The following NGF variants were observed in gnomAD, a reference collection of about 807,000 sequenced individuals.
The protein encoded by NGF is nerve growth factor.
In NGF, 4 loss-of-function variants were observed where a neutral mutation model predicts 12.8. The observed-to-expected ratio is 0.31, with a 90% confidence interval of 0.15 to 0.72. NGF has a LOEUF of 0.72. Ranked by LOEUF, NGF falls within the 30% of genes least tolerant of loss-of-function variation. NGF has a pLI of 0.69. For missense variants in NGF, 283 were observed against 330.8 expected (o/e 0.86, Z 1.12); for synonymous variants, 140 against 130.0 (o/e 1.08, Z -0.52).
At chr1:115,308,512 G>C (rs945502926) in intron 1 of NGF, among the ~76,000 whole-genome samples, 1 of 152,236 alleles carries the variant, frequency 6.6e-6, no homozygotes, top group Non-Finnish European at 1.5e-5. Flanking sequence ...AACTGGAAGA[G>C]AGGCAAGTGC....
intron 1 of NGF, among the ~76,000 whole-genome samples, chr1:115,302,225 T>C (rs569267462): frequency 2.0e-5 from 3 of 152,344 alleles, no homozygotes; most frequent in Non-Finnish European, 2.9e-5. Flanking sequence ...TCACTTTGGC[T>C]ATGTAGTGTT....
intron 1 of NGF, among the ~76,000 whole-genome samples, chr1:115,301,377 A>G (rs186184753): frequency 1.5e-3 from 225 of 152,300 alleles, no homozygotes; most frequent in Non-Finnish European, 2.7e-3. Context: ...TACCCTCCAT[A>G]TTGGATTATT....
Position 115,286,159 on chromosome 1 carries a change from T to C in NGF, c.637A>G (p.Met213Val). 1 of 1,613,832 alleles carries C rather than the reference T, an allele frequency of 6.2e-7. No homozygotes were observed. Among genetic ancestry groups the C allele is most frequent in the Non-Finnish European group, 8.5e-7 (1 of 1,179,800 alleles). The change falls in exon 3 of 3, where the codon ATG (methionine) becomes GTG (valine). Residue 213 changes from methionine (M) to valine (V), a missense_variant. Around this residue, in one of 2 missense-constraint regions of NGF, gnomAD observed 132 missense variants for 189.2 expected, o/e 0.70. Transcript: ENST00000369512. ...TTHTFVKALT[M>V]DGKQAAWRFI... The stretch of plus-strand genomic sequence containing the variant: ...CGCCAGGCAGCCTGCTTGCCATCCA[T>C]GGTCAGCGCCTTGACAAAGGTGTGA...
intron 1 of NGF, among the ~76,000 whole-genome samples, chr1:115,294,827 G>A (rs1305063316): frequency 5.3e-5 from 8 of 152,334 alleles, no homozygotes; most frequent in Admixed American, 4.6e-4. Flanking sequence ...AAATGAGCTG[G>A]AGAGCCAGGA....
At chr1:115,314,533 A>G (rs1269195249) in intron 1 of NGF, among the ~76,000 whole-genome samples, 2 of 152,226 alleles carry the variant, frequency 1.3e-5, no homozygotes, top group Non-Finnish European at 2.9e-5. Flanking sequence ...TAATTGCTCA[A>G]CTTAATTCAA....
chr1:115,290,250 T>C (rs916324682), intron 2 of NGF, among the ~76,000 whole-genome samples: 2 of 152,144 alleles, frequency 1.3e-5, no homozygotes, highest in Non-Finnish European at 2.9e-5. Context: ...CTTCCAGGTA[T>C]GCTCCCCTAC....
intron 1 of NGF, among the ~76,000 whole-genome samples, chr1:115,336,284 G>A (rs1419796562): frequency 6.6e-6 from 1 of 152,162 alleles, no homozygotes; most frequent in Non-Finnish European, 1.5e-5. Flanking sequence ...ATCCTCTGAG[G>A]TGCTCCTATA....
intron 1 of NGF, among the ~76,000 whole-genome samples, chr1:115,297,775 A>G (rs1234375357): frequency 6.6e-6 from 1 of 152,136 alleles, no homozygotes; most frequent in East Asian, 1.9e-4. Context: ...AATCCTCTGT[A>G]GCAGTGGTTC....
At chr1:115,333,385 C>A (rs1654977070) in intron 1 of NGF, among the ~76,000 whole-genome samples, 1 of 151,876 alleles carries the variant, frequency 6.6e-6, no homozygotes, top group African/African-American at 2.4e-5. Flanking sequence ...GGGCTCTCCA[C>A]CTGCAGAAGC....
intron 1 of NGF, among the ~76,000 whole-genome samples, chr1:115,330,013 C>G (rs139464148): frequency 0.015 from 2,300 of 152,222 alleles, 40 homozygotes; most frequent in Non-Finnish European, 0.02. Context: ...GCCTCAGCCC[C>G]CTAAGTGCTG....
At chr1:115,286,856 T>C in intron 2 of NGF, 49 bp from the exon 3 acceptor site, 1 of 1,610,792 alleles carries the variant, frequency 6.2e-7, no homozygotes, top group Non-Finnish European at 8.5e-7. Flanking sequence ...CTAAATGCAG[T>C]CAAAAGGCAG....
intron 1 of NGF, among the ~76,000 whole-genome samples, chr1:115,300,342 A>G (rs1308857409): frequency 2.0e-5 from 3 of 152,214 alleles, no homozygotes; most frequent in African/African-American, 7.2e-5. Context: ...AAGGAGGGAT[A>G]AGGGATGAGT....
At chr1:115,300,065 C>G (rs1216259203) in intron 1 of NGF, among the ~76,000 whole-genome samples, 1 of 152,214 alleles carries the variant, frequency 6.6e-6, no homozygotes, top group African/African-American at 2.4e-5. Context: ...CACTCAGATC[C>G]AAGCCCTTTA....
intron 1 of NGF, among the ~76,000 whole-genome samples, chr1:115,308,408 T>A (rs191684327): frequency 3.9e-5 from 6 of 152,142 alleles, no homozygotes; most frequent in Middle Eastern, 3.4e-3. Flanking sequence ...CAAAAATGGG[T>A]TGGATGAAGT....
At chr1:115,337,267 G>GTTTGTTTTTTTGTTTTT in intron 1 of NGF, among the ~76,000 whole-genome samples, 1 of 81,030 alleles carries the variant, frequency 1.2e-5, no homozygotes. Flanking sequence ...TTTTGTTTTT[G>GTTTGTTTTTTTGTTTTT]TTTTTTTTTT....
At chr1:115,322,973 T>C (rs1654672016) in intron 1 of NGF, among the ~76,000 whole-genome samples, 1 of 152,248 alleles carries the variant, frequency 6.6e-6, no homozygotes, top group South Asian at 2.1e-4. Context: ...GAACAGCTTT[T>C]ATGTGCCAAA....
chr1:115,286,925 C>G lies in NGF; in HGVS notation c.-12-118G>C, dbSNP rs3730194. The G allele has an allele frequency of 0.014, 17,477 of 1,268,974 alleles. 178 individuals carry two copies. Among genetic ancestry groups the G allele is most frequent in the Non-Finnish European group, 0.017 (15,023 of 881,302 alleles). 78.6% of individuals were successfully genotyped at this position (1,268,974 alleles called of 1,614,324 possible). ...GATCACGAAGAGGTTTCATTCAAAC[C>G]GGGGCACTTCTGAGAGGGAAAGGGT... On this transcript the variant is annotated intron_variant, in intron 2 of 2. Transcript: ENST00000369512.
chr1:115,286,513 G>C lies in NGF; in HGVS notation c.283C>G (p.Arg95Gly). ...PRVLFSTQPP[R>G]EAADTQDLDF... ...AGATCCTGAGTGTCTGCAGCTTCACGGGGAGGCTGGGTGCTAAACAGCACA... is the reference window on the plus strand; with the variant it reads ...AGATCCTGAGTGTCTGCAGCTTCACCGGGAGGCTGGGTGCTAAACAGCACA... The change falls in exon 3 of 3, where the codon CGT becomes GGT. Residue 95 changes from arginine (R) to glycine (G), a missense_variant. This residue lies in a region of NGF where 151 missense variants were observed against 141.6 expected (regional missense o/e 1.07). Coordinates refer to ENST00000369512, the MANE Select transcript of NGF (RefSeq NM_002506.3). The C allele has an allele frequency of 6.2e-7, 1 of 1,614,160 alleles. No homozygotes were observed. The highest frequency in any genetic ancestry group is 8.5e-7 in the Non-Finnish European group (1 of 1,180,034).
chr1:115,325,190 G>T (rs1303563780), intron 1 of NGF, among the ~76,000 whole-genome samples: 3 of 152,052 alleles, frequency 2.0e-5, no homozygotes, highest in Non-Finnish European at 4.4e-5. Flanking sequence ...GAGTGCGAAG[G>T]CCCCAGGACA....
Sources: gnomAD v4.1 joint callset for allele counts (sites outside exome capture counted in the v4.1 genomes callset) on GRCh38, gnomAD v4.1.1 for gene constraint, gnomAD v4.1.1 regional missense constraint, MANE v1.5 for transcripts, NCBI Gene and HGNC (gene_info 2026-07-23, HGNC 2026-07-21) for gene names.